The following PERM1 variants were observed in gnomAD, a reference collection of about 807,000 sequenced individuals.
The protein encoded by PERM1 is PPARGC1 and ESRR induced regulator, muscle 1, also known as PGC-1 and ERR-induced regulator in muscle protein 1.
PERM1 carries 45 observed loss-of-function variants against 44.1 expected under a neutral mutation model. The ratio of observed to expected loss-of-function variants is 1.02; its 90% CI spans 0.80 to 1.31. PERM1 has a LOEUF of 1.31. PERM1 is among the 50% of genes most tolerant of loss of function. The pLI is 0.00. For missense variants in PERM1, 1,189 were observed against 1,106.9 expected, an observed-to-expected ratio of 1.07 and a Z score of -1.05; for synonymous variants, 565 against 477.1, an observed-to-expected ratio of 1.18 and a Z score of -2.40.
exon 1 of PERM1, chr1:980,429 A>G (rs928874399): frequency 5.8e-6 from 9 of 1,547,756 alleles, no homozygotes; most frequent in Non-Finnish European, 7.9e-6. Flanking sequence ...GTCTGGGCAG[A>G]AGCAGAGGCT....
exon 1 of PERM1, chr1:980,873 G>A (rs1643778454): frequency 7.1e-7 from 1 of 1,406,174 alleles, no homozygotes; most frequent in East Asian, 2.7e-5. Context: ...GCCCTGGGGG[G>A]ACTGCTGCCA....
chr1:979,388 GC>G lies in PERM1; in HGVS notation c.1641del (p.Arg549GlyfsTer19), dbSNP rs1441244350. 5 of 1,508,220 alleles carry G rather than the reference GC, an allele frequency of 3.3e-6. No individual in the cohort carries two copies. Among genetic ancestry groups the G allele is most frequent in the Admixed American group, 2.3e-5 (1 of 44,238 alleles). 93.4% of individuals were successfully genotyped at this position (1,508,220 alleles called of 1,614,324 possible). A position where few individuals can be genotyped will look rare whatever the true frequency, so the allele number is the denominator to read the frequency against. ...AGGATCCGAGGCTGGTGGGGCCGGGGCCCGACAGCCACAGCCTCCCAGGCTC... is the reference window on the plus strand; with the variant it reads ...AGGATCCGAGGCTGGTGGGGCCGGGGCCGACAGCCACAGCCTCCCAGGCTC... On this transcript the variant is annotated frameshift_variant, in exon 1 of 3. Coordinates refer to ENST00000433179, the Ensembl canonical transcript of PERM1. LOFTEE classifies it high-confidence loss of function.
chr1:976,659 C>G, intron 1 of PERM1, 35 bp from the exon 3 acceptor site: 1 of 1,548,300 alleles, frequency 6.5e-7, no homozygotes, highest in Non-Finnish European at 8.7e-7. Flanking sequence ...CCCACGGCTG[C>G]ACTCAGAGAT....
At chr1:982,084 C>T (rs1377405077), upstream of PERM1, 1 of 1,288,040 alleles carries the variant, frequency 7.8e-7, no homozygotes, top group African/African-American at 1.5e-5. Flanking sequence ...GGCGGCCGAG[C>T]TGGGCGTCTG....
At chr1:975,203 AG>A (rs1333877339), downstream of PERM1, 1 of 152,524 alleles carries the variant, frequency 6.6e-6, no homozygotes, top group Non-Finnish European at 1.5e-5. Context: ...AGAAAGAAAA[AG>A]AAAAGATAGA....
chr1:978,860 G>T (rs1248700170), intron 1 of PERM1, 21 bp downstream of exon 2: 6 of 1,455,280 alleles, frequency 4.1e-6, no homozygotes, highest in Non-Finnish European at 5.5e-6. Flanking sequence ...TGGACGGGCT[G>T]TGGGATCCGA....
Position 979,317 on chromosome 1 carries a change from C to A in PERM1, c.1713G>T (p.Gly571=), listed in dbSNP as rs764147242. The change falls in exon 1 of 3, where the codon GGG becomes GGT. Residue 571 remains glycine (G), a synonymous_variant. Transcript: ENST00000433179. ...GGGTCACGGCAAAGCTGCTCCCGGG[C>A]CCGACCCTCGTCACGGCAGAGGGAG... 2.6e-6 allele frequency: 4 copies of A among 1,535,312 alleles called. No individual in the cohort carries two copies. The South Asian group carries it at 3.7e-5, about 14-fold the overall frequency.
At chr1:978,797 C>T (rs768118255) in intron 1 of PERM1, 84 bp downstream of exon 2, 14 of 1,295,286 alleles carry the variant, frequency 1.1e-5, no homozygotes, top group African/African-American at 3.0e-5. Context: ...GCCTGCCCGG[C>T]CCCTGCGGCC....
At chr1:976,517 G>T (rs896119505) in exon 2 of PERM1, 1 of 1,549,540 alleles carries the variant, frequency 6.5e-7, no homozygotes, top group South Asian at 1.2e-5. Context: ...CAGGCGTCTG[G>T]GGTATGCGGA....
chr1:979,347 G>T lies in PERM1; in HGVS notation c.1683C>A (p.Arg561=), dbSNP rs181798425. ...CCCTCGTCACGGCAGAGGGAGGGGGGCGAGGCAGGTGCTTGAGGATCCGAG... is the reference window on the plus strand; with the variant it reads ...CCCTCGTCACGGCAGAGGGAGGGGGTCGAGGCAGGTGCTTGAGGATCCGAG... Residue 561 remains arginine, a synonymous_variant, in exon 1 of 3, where the codon CGC becomes CGA. Coordinates refer to ENST00000433179, the Ensembl canonical transcript of PERM1. 8,604 of 1,517,638 alleles carry T rather than the reference G, an allele frequency of 5.7e-3. 30 individuals carry two copies. Among genetic ancestry groups the T allele is most frequent in the Non-Finnish European group, 6.7e-3 (7,597 of 1,130,156 alleles). 94.0% of individuals were successfully genotyped at this position (1,517,638 alleles called of 1,614,324 possible).
exon 3 of PERM1, chr1:975,806 G>A (rs775356422): frequency 3.1e-5 from 7 of 224,136 alleles, no homozygotes; most frequent in East Asian, 2.5e-4. Context: ...GAAACGCAGG[G>A]TGCGGTTGCA....
chr1:979,723 G>C (rs933082576), exon 1 of PERM1: 15 of 1,550,174 alleles, frequency 9.7e-6, no homozygotes, highest in Middle Eastern at 1.7e-4. Context: ...GGTCATCCTC[G>C]GCACAGCCTC....
chr1:979,793 C>A (rs1187639083), exon 1 of PERM1: 48 of 1,550,252 alleles, frequency 3.1e-5, no homozygotes, highest in Non-Finnish European at 4.1e-5. Flanking sequence ...GTAGGCAAGG[C>A]CACATCCAGG....
chr1:979,940 C>G, exon 1 of PERM1: 1 of 1,550,312 alleles, frequency 6.5e-7, no homozygotes, highest in Non-Finnish European at 8.7e-7. Context: ...GGCTTGGAGG[C>G]AGGTATAGAC....
At chr1:980,579 C>G in exon 1 of PERM1, 7 of 1,455,290 alleles carry the variant, frequency 4.8e-6, no homozygotes, top group Non-Finnish European at 6.3e-6. Context: ...GGGGGCTCAC[C>G]AGGGGGCCGT....
At position 976,101 on chromosome 1, in the gene PERM1, G is replaced by A. The variant is rs533183996; in HGVS notation, c.*71C>T. On this transcript the variant is annotated 3_prime_UTR_variant, in exon 3 of 3. Transcript: ENST00000433179. ...GGGGTCAGAGGGCCCGGGCGAGGGC[G>A]GCACCTCGTCCTGCCCTGGGCGCCT... 126 of 1,432,700 alleles carry A rather than the reference G, an allele frequency of 8.8e-5. No homozygotes were observed. The African/African-American group carries it at 9.5e-4, about 11-fold the overall frequency. 88.7% of individuals were successfully genotyped at this position (1,432,700 alleles called of 1,614,324 possible). A position where few individuals can be genotyped will look rare whatever the true frequency, so the allele number is the denominator to read the frequency against.
At chr1:978,919 G>A (rs1643699339) in exon 1 of PERM1, 3 of 1,505,814 alleles carry the variant, frequency 2.0e-6, no homozygotes, top group East Asian at 5.0e-5. Context: ...CTCTACCACG[G>A]CTGGCTTGAG....
At chr1:981,008 C>T (rs1281474896) in exon 1 of PERM1, 16 of 1,526,494 alleles carry the variant, frequency 1.0e-5, no homozygotes, top group Middle Eastern at 2.0e-4. Context: ...CTCAGCTGGA[C>T]GCTGTACTGG....
chr1:979,327 G>GT lies in PERM1; in HGVS notation c.1702dup (p.Thr568AsnfsTer23). The GT allele has an allele frequency of 6.5e-7, 1 of 1,529,628 alleles. No homozygotes were observed. Among genetic ancestry groups the GT allele is most frequent in the Non-Finnish European group, 8.8e-7 (1 of 1,135,424 alleles). 94.8% of individuals were successfully genotyped at this position (1,529,628 alleles called of 1,614,324 possible). On this transcript the variant is annotated frameshift_variant, in exon 1 of 3. Coordinates refer to ENST00000433179, the Ensembl canonical transcript of PERM1. LOFTEE classifies it high-confidence loss of function. ...AAAGCTGCTCCCGGGCCCGACCCTC[G>GT]TCACGGCAGAGGGAGGGGGGCGAGG...
Sources: gnomAD v4.1 joint callset for allele counts on GRCh38, gnomAD v4.1.1 for gene constraint, MANE v1.5 for transcripts, NCBI Gene and HGNC (gene_info 2026-07-23, HGNC 2026-07-21) for gene names.